KALRN: variants seen among roughly 807,000 people sequenced by gnomAD.
KALRN encodes kalirin RhoGEF kinase.
A neutral mutation model predicts 353.7 loss-of-function variants in KALRN; 70 were observed. The ratio of observed to expected loss-of-function variants is 0.20; its 90% confidence interval spans 0.16 to 0.24. The LOEUF is 0.24. Ranked by LOEUF, KALRN falls within the 10% of genes least tolerant of loss-of-function variation. The pLI, the probability that KALRN is intolerant of heterozygous loss-of-function variation, is 1.00. For missense variants in KALRN, 2,791 were observed against 3,756.7 expected (o/e 0.74, Z 6.72); for synonymous variants, 1,391 against 1,434.8 (o/e 0.97, Z 0.69).
At chr3:124,560,104 C>T (rs921131510) in intron 33 of KALRN, among the ~76,000 whole-genome samples, 12 of 152,224 alleles carry the variant, frequency 7.9e-5, no homozygotes, top group African/African-American at 2.9e-4. Context: ...GATTTTTATC[C>T]TCTCCCGTCC....
intron 1 of KALRN, chr3:124,094,939 TGA>T (rs1275604299): frequency 6.3e-7 from 1 of 1,585,034 alleles, no homozygotes; most frequent in Non-Finnish European, 8.7e-7. Context: ...TATGAGAGAC[TGA>T]GAGAGATAAA....
At chr3:124,263,486 G>A (rs985987348) in intron 3 of KALRN, among the ~76,000 whole-genome samples, 5 of 152,088 alleles carry the variant, frequency 3.3e-5, no homozygotes, top group Admixed American at 2.6e-4. Flanking sequence ...CTGAGGCAGG[G>A]GGATCATTTG....
At chr3:124,119,077 G>A (rs1008864841) in intron 1 of KALRN, among the ~76,000 whole-genome samples, 3 of 152,206 alleles carry the variant, frequency 2.0e-5, no homozygotes, top group African/African-American at 7.2e-5. Context: ...GGGATTCTGT[G>A]GCTGGGAGAG....
At chr3:124,219,888 G>C (rs550868744) in intron 1 of KALRN, among the ~76,000 whole-genome samples, 17 of 151,326 alleles carry the variant, frequency 1.1e-4, no homozygotes, top group African/African-American at 4.1e-4. Context: ...CTCTCTCTCT[G>C]CCAGGTTTAT....
At position 124,518,305 on chromosome 3, in the gene KALRN, T is replaced by C. The variant is rs183149162; in HGVS notation, c.4935+21892T>C. The C allele has an allele frequency of 1.2e-3, 1,305 of 1,060,144 alleles. 3 individuals are homozygous for C. The highest frequency in any genetic ancestry group is 1.7e-3 in the Non-Finnish European group (1,115 of 674,920). 65.7% of individuals were successfully genotyped at this position (1,060,144 alleles called of 1,614,324 possible). A position where few individuals can be genotyped will look rare whatever the true frequency, so the allele number is the denominator to read the frequency against. ...CTAGAAATACAGTAGGTTGCACTGA[T>C]GATTTAACTCTGTTTTCTATAAGGG... On this transcript the variant is annotated intron_variant, in intron 33 of 59. Coordinates refer to ENST00000682506, the MANE Select transcript of KALRN (RefSeq NM_001388419.1).
intron 33 of KALRN, among the ~76,000 whole-genome samples, chr3:124,523,273 A>G (rs1471985375): frequency 6.6e-6 from 1 of 152,180 alleles, no homozygotes; most frequent in Non-Finnish European, 1.5e-5. Flanking sequence ...GATCATTAAA[A>G]TCCAGGACAT....
intron 47 of KALRN, 82 bp from the exon 48 acceptor site, chr3:124,671,578 C>T (rs138845137): frequency 2.2e-5 from 20 of 927,694 alleles, no homozygotes; most frequent in Middle Eastern, 4.9e-4. Flanking sequence ...CGATGCCTAA[C>T]ACAAAGCCTT....
At chr3:124,249,799 A>G (rs1227068137) in intron 3 of KALRN, among the ~76,000 whole-genome samples, 1 of 152,162 alleles carries the variant, frequency 6.6e-6, no homozygotes. Context: ...TTCAAGATCC[A>G]AACATGCAAG....
chr3:124,617,033 A>G (rs954022018), intron 34 of KALRN, among the ~76,000 whole-genome samples: 2 of 151,564 alleles, frequency 1.3e-5, no homozygotes, highest in African/African-American at 4.9e-5. Flanking sequence ...CCATTTAATG[A>G]CCAAAGAATT....
Position 124,552,371 on chromosome 3 carries a change from C to A in KALRN, c.4936-10472C>A, listed in dbSNP as rs200323603. Among the ~76,000 whole-genome samples the A allele has an allele frequency of 1.4e-4, 21 of 152,342 alleles. No individual in the cohort carries two copies. The East Asian group carries it at 3.7e-3, about 27-fold the overall frequency. On this transcript the variant is annotated intron_variant, in intron 33 of 59. Transcript: ENST00000682506. Reference sequence around the variant, plus strand: ...GGCTGCCCGTCCCCAGATTACCTAACAATAATTAGACCAACCAGAGTTTCC... The same window carrying A: ...GGCTGCCCGTCCCCAGATTACCTAAAAATAATTAGACCAACCAGAGTTTCC...
At chr3:124,496,006 T>TATATATATATATAC (rs2063781456) in intron 32 of KALRN, among the ~76,000 whole-genome samples, 2 of 54,970 alleles carry the variant, frequency 3.6e-5, no homozygotes, top group Non-Finnish European at 6.1e-5. Flanking sequence ...TATATATATA[T>TATATATATATATAC]ATATATACAC....
At chr3:124,476,673 G>T (rs139740283) in intron 26 of KALRN, among the ~76,000 whole-genome samples, 1 of 152,256 alleles carries the variant, frequency 6.6e-6, no homozygotes, top group Non-Finnish European at 1.5e-5. Flanking sequence ...CAACAATCTA[G>T]TTAGGAACCA....
chr3:124,570,365 G>T (rs1024189769), intron 34 of KALRN, among the ~76,000 whole-genome samples: 1 of 152,152 alleles, frequency 6.6e-6, no homozygotes, highest in Non-Finnish European at 1.5e-5. Context: ...ATTTGTATAG[G>T]ATTGTACTGG....
intron 5 of KALRN, among the ~76,000 whole-genome samples, chr3:124,292,925 A>G (rs942421437): frequency 1.1e-4 from 16 of 152,216 alleles, no homozygotes; most frequent in East Asian, 7.7e-4. Flanking sequence ...CCCACATTTT[A>G]TAGATAAGGA....
intron 33 of KALRN, among the ~76,000 whole-genome samples, chr3:124,535,895 C>T (rs2068465901): frequency 6.6e-6 from 1 of 152,130 alleles, no homozygotes; most frequent in South Asian, 2.1e-4. Flanking sequence ...TTCACCATTC[C>T]CAGGGTTTAG....
At chr3:124,430,173 G>A (rs1351928728) in intron 15 of KALRN, among the ~76,000 whole-genome samples, 1 of 152,228 alleles carries the variant, frequency 6.6e-6, no homozygotes, top group African/African-American at 2.4e-5. Context: ...TACCATAACG[G>A]TGGTACATAC....
intron 1 of KALRN, among the ~76,000 whole-genome samples, chr3:124,141,943 T>C (rs2066675344): frequency 6.6e-6 from 1 of 152,210 alleles, no homozygotes; most frequent in South Asian, 2.1e-4. Context: ...CCAGCTCTGC[T>C]GTGTGGTTTT....
At chr3:124,148,247 T>A (rs1343726) in intron 1 of KALRN, among the ~76,000 whole-genome samples, 42,164 of 151,916 alleles carry the variant, frequency 0.28, 6,409 homozygotes, top group East Asian at 0.47. Context: ...TTAATGGAAA[T>A]CTCTTTCAGT....
In KALRN at chr3:124,334,712, CCTT is replaced by C. The variant is rs1461064673; in HGVS notation, c.1647+220_1647+222del. 1.1e-4 allele frequency among the ~76,000 whole-genome samples: 17 copies of C among 152,314 alleles called. No individual in the cohort carries two copies. In the East Asian group the frequency reaches 2.1e-3, roughly 19 times the overall value. On this transcript the variant is annotated intron_variant, in intron 9 of 59. Coordinates refer to ENST00000682506, the MANE Select transcript of KALRN (RefSeq NM_001388419.1). This position sits in a 1 kb window ranked among gnomAD's most constrained non-coding sequence, Gnocchi z 4.2. ...TTGCCTAAGTGACTGTATAGACTGG[CCTT>C]CTCACCACGTGGTATTGTAAAGGGA...
Sources: gnomAD v4.1 joint callset for allele counts (sites outside exome capture counted in the v4.1 genomes callset) on GRCh38, gnomAD v4.1.1 for gene constraint, Gnocchi (gnomAD v3.1) non-coding constraint, MANE v1.5 for transcripts, NCBI Gene and HGNC (gene_info 2026-07-23, HGNC 2026-07-21) for gene names.